NRG3: variants seen among roughly 807,000 people sequenced by gnomAD.
The protein encoded by NRG3 is neuregulin 3, also known as pro-neuregulin-3, membrane-bound isoform.
NRG3 carries 31 observed loss-of-function variants against 66.9 expected under a neutral mutation model. The ratio of observed to expected loss-of-function variants is 0.46; its 90% CI spans 0.35 to 0.63. NRG3 has a LOEUF of 0.63. Ranked by LOEUF, NRG3 falls within the 20% of genes least tolerant of loss-of-function variation. The probability of loss-of-function intolerance (pLI) is 0.00; values close to 1 mark genes in which losing one functional copy is unlikely to be tolerated. For synonymous variants in NRG3, 393 were observed against 359.4 expected, an observed-to-expected ratio of 1.09 and a Z score of -1.06; for missense variants, 910 against 878.9, an observed-to-expected ratio of 1.04 and a Z score of -0.45.
At chr10:82,946,367 G>A (rs12776767) in intron 4 of NRG3, among the ~76,000 whole-genome samples, 16,619 of 151,548 alleles carry the variant, frequency 0.11, 1,240 homozygotes, top group Non-Finnish European at 0.17. Flanking sequence ...TGTGAAACCC[G>A]GTCTCTACTA....
chr10:82,059,192 A>G (rs551029661), intron 1 of NRG3, among the ~76,000 whole-genome samples: 2 of 152,358 alleles, frequency 1.3e-5, no homozygotes, highest in South Asian at 4.1e-4. Flanking sequence ...AAACTGTGGA[A>G]TAATGTGATC....
At chr10:82,892,665 C>CAATA (rs369613241) in intron 4 of NRG3, among the ~76,000 whole-genome samples, 21,440 of 146,232 alleles carry the variant, frequency 0.15, 1,689 homozygotes, top group African/African-American at 0.2. Flanking sequence ...TAACCTGTCT[C>CAATA]AATAAATAAA....
intron 1 of NRG3, among the ~76,000 whole-genome samples, chr10:82,206,603 C>T (rs2075129550): frequency 6.6e-6 from 1 of 152,190 alleles, no homozygotes; most frequent in South Asian, 2.1e-4. Context: ...TGAAAACCAT[C>T]TTCTGCTTTC....
At chr10:81,908,126 T>C (rs1844769548) in intron 1 of NRG3, among the ~76,000 whole-genome samples, 1 of 152,192 alleles carries the variant, frequency 6.6e-6, no homozygotes, top group Non-Finnish European at 1.5e-5. Flanking sequence ...CTTAGGTATG[T>C]TTTGGAAGAC....
intron 1 of NRG3, among the ~76,000 whole-genome samples, chr10:82,238,456 C>CG (rs2076855437): frequency 6.6e-6 from 1 of 152,100 alleles, no homozygotes; most frequent in Non-Finnish European, 1.5e-5. Context: ...GTCCCTTGTT[C>CG]AAAGTCACAT....
chr10:82,266,624 G>T (rs890286235), intron 1 of NRG3, among the ~76,000 whole-genome samples: 1 of 152,166 alleles, frequency 6.6e-6, no homozygotes, highest in Non-Finnish European at 1.5e-5. Context: ...CCAGGATGTG[G>T]TACTGTTTTG....
intron 1 of NRG3, among the ~76,000 whole-genome samples, chr10:82,208,563 A>G (rs1199157065): frequency 2.6e-5 from 4 of 152,266 alleles, no homozygotes; most frequent in South Asian, 2.1e-4. Context: ...GAGCACGAAC[A>G]AAGACAATGT....
intron 2 of NRG3, among the ~76,000 whole-genome samples, chr10:82,385,804 A>C (rs1031601565): frequency 6.6e-6 from 1 of 152,150 alleles, no homozygotes; most frequent in Non-Finnish European, 1.5e-5. Flanking sequence ...TGAAAATTGT[A>C]AAGGGGCAAG....
intron 1 of NRG3, among the ~76,000 whole-genome samples, chr10:82,246,559 C>T (rs1275317237): frequency 6.6e-6 from 1 of 152,116 alleles, no homozygotes; most frequent in Non-Finnish European, 1.5e-5. Context: ...TTCCTGGTTA[C>T]CAGTGAAATC....
intron 1 of NRG3, among the ~76,000 whole-genome samples, chr10:81,973,723 G>A (rs1315208697): frequency 6.6e-6 from 1 of 152,076 alleles, no homozygotes; most frequent in South Asian, 2.1e-4. Flanking sequence ...AAAAATGTCT[G>A]TTATGTCCTT....
At chr10:82,276,296 A>C (rs1199400607) in intron 1 of NRG3, among the ~76,000 whole-genome samples, 1 of 152,032 alleles carries the variant, frequency 6.6e-6, no homozygotes, top group Non-Finnish European at 1.5e-5. Flanking sequence ...TATATTTTGC[A>C]TTTAGTTTAA....
chr10:82,804,830 T>C (rs1477353535), intron 3 of NRG3, among the ~76,000 whole-genome samples: 1 of 152,200 alleles, frequency 6.6e-6, no homozygotes, highest in Non-Finnish European at 1.5e-5. Context: ...ACATAGCCTA[T>C]CTGGGAAGGT....
At chr10:82,549,135 C>T (rs978656129) in intron 2 of NRG3, among the ~76,000 whole-genome samples, 2 of 152,136 alleles carry the variant, frequency 1.3e-5, no homozygotes, top group African/African-American at 4.8e-5. Flanking sequence ...CATCTGTAAA[C>T]TGACTAATAA....
At chr10:82,631,348 G>A (rs73313585) in intron 2 of NRG3, among the ~76,000 whole-genome samples, 1,573 of 152,202 alleles carry the variant, frequency 0.01, 29 homozygotes, top group African/African-American at 0.036. Flanking sequence ...TGACTCCAGA[G>A]GTTTCCTAGA....
intron 1 of NRG3, among the ~76,000 whole-genome samples, chr10:82,033,068 A>G (rs2062640399): frequency 6.6e-6 from 1 of 152,182 alleles, no homozygotes; most frequent in Non-Finnish European, 1.5e-5. Flanking sequence ...CAAAGAACAG[A>G]CTTAATTATA....
At chr10:82,772,143 C>T (rs77987738) in intron 3 of NRG3, among the ~76,000 whole-genome samples, 1 of 151,916 alleles carries the variant, frequency 6.6e-6, no homozygotes, top group Admixed American at 6.6e-5. Context: ...TCTTTTTTAA[C>T]ATAAATTTTA....
intron 2 of NRG3, among the ~76,000 whole-genome samples, chr10:82,507,309 T>C (rs1844773387): frequency 1.3e-5 from 2 of 152,102 alleles, no homozygotes; most frequent in Admixed American, 6.6e-5. Context: ...CATGGGTTGA[T>C]TTCTAGCAGT....
chr10:81,970,709 G>A (rs1056725856), intron 1 of NRG3, among the ~76,000 whole-genome samples: 2 of 152,056 alleles, frequency 1.3e-5, no homozygotes, highest in Non-Finnish European at 2.9e-5. Context: ...CTAGACCAAG[G>A]TATGGAGAGT....
intron 2 of NRG3, among the ~76,000 whole-genome samples, chr10:82,705,371 T>G (rs7074694): frequency 0.34 from 51,700 of 152,118 alleles, 10,909 homozygotes; most frequent in African/African-American, 0.6. Context: ...TCAAGGGTCT[T>G]GATCAGAGGC....
Sources: gnomAD v4.1 joint callset for allele counts (sites outside exome capture counted in the v4.1 genomes callset) on GRCh38, gnomAD v4.1.1 for gene constraint, MANE v1.5 for transcripts, NCBI Gene and HGNC (gene_info 2026-07-23, HGNC 2026-07-21) for gene names.